The following ZNF585B variants were observed in gnomAD, a reference collection of about 807,000 sequenced individuals.
The protein encoded by ZNF585B is zinc finger protein 41-like protein.
In ZNF585B, 7 loss-of-function variants were observed where a neutral mutation model predicts 14.0. The observed-to-expected ratio is 0.50, with a 90% CI of 0.28 to 0.94. The LOEUF is 0.94. Among genes scored for constraint, ZNF585B ranks in the 40% least tolerant of loss-of-function variants. The pLI is 0.09. For missense variants in ZNF585B, 750 were observed against 924.4 expected (o/e 0.81, Z 2.45); for synonymous variants, 290 against 317.3 (o/e 0.91, Z 0.91).
rs1408071381 is a variant in ZNF585B, at chr19:37,186,937, A to G, written c.600T>C (p.Ser200=). Residue 200 remains serine (S), a synonymous_variant, in exon 5 of 5, where the codon TCT becomes TCC. Transcript: ENST00000532828. ...TATGAATTCTGTGATGCCTGAAAAG[A>G]GACGATACTTGAAAAAAGGATTTTC... is the stretch of plus-strand genomic sequence containing the variant. ...ECGKSFFQVS[S]LFRHHRIHTG... is the part of the protein sequence containing the mutation. The G allele has an allele frequency of 6.8e-6, 11 of 1,614,070 alleles. No homozygotes were observed. Among genetic ancestry groups the G allele is most frequent in the Non-Finnish European group, 9.3e-6 (11 of 1,180,040 alleles).
intron 4 of ZNF585B, chr19:37,189,428 T>C (rs1188409027): frequency 5.9e-6 from 3 of 511,822 alleles, no homozygotes; most frequent in Non-Finnish European, 1.1e-5. Flanking sequence ...AGGAATATAA[T>C]AAAGATTTAT....
At chr19:37,195,553 G>A (rs1972456756) in intron 2 of ZNF585B, among the ~76,000 whole-genome samples, 1 of 151,426 alleles carries the variant, frequency 6.6e-6, no homozygotes. Flanking sequence ...GACAGATTCA[G>A]GAACCATTAA....
At chr19:37,187,288 ATAGT>A in intron 4 of ZNF585B, 44 bp from the exon 5 acceptor site, 2 of 1,381,084 alleles carry the variant, frequency 1.4e-6, no homozygotes, top group Non-Finnish European at 2.0e-6. Flanking sequence ...ACATTTTACC[ATAGT>A]TAGTACTCTT....
Position 37,210,498 on chromosome 19 carries a change from G to A in ZNF585B, c.-201C>T, listed in dbSNP as rs1972635224. 1 of 152,200 alleles carries A rather than the reference G, an allele frequency of 6.6e-6. No individual in the cohort carries two copies. The allele number at this position is 152,200 out of a possible 1,614,324, so 9.4% of individuals were successfully genotyped here. A position where few individuals can be genotyped will look rare whatever the true frequency, so the allele number is the denominator to read the frequency against. On this transcript the variant is annotated 5_prime_UTR_variant, in exon 1 of 5. Coordinates refer to ENST00000532828, the MANE Select transcript of ZNF585B (RefSeq NM_152279.4). ...ACGTGAAAATAGTCCTGACGCCAGC[G>A]GCGAAATAGCCTTCGGGGACCACTT... is the stretch of plus-strand genomic sequence containing the variant.
At position 37,185,840 on chromosome 19, in the gene ZNF585B, A is replaced by C; in HGVS notation, c.1697T>G (p.Ile566Ser). 1.2e-6 allele frequency: 2 copies of C among 1,611,528 alleles called. No individual in the cohort carries two copies. Residue 566 changes from isoleucine (I) to serine (S), a missense_variant, in exon 5 of 5, where the codon ATT becomes AGT. Physicochemically the swap from Ile to Ser is moderately radical, Grantham distance 142. This residue lies in a region of ZNF585B where 233 missense variants were observed against 354.1 expected (regional missense o/e 0.66). Transcript: ENST00000532828. The part of the protein sequence containing the change: ...GKAFNQKSIL[I>S]VHQKIHTGEK... Reference sequence around the variant, plus strand: ...TCCTGTATGAATTTTCTGATGAACAATGAGTATTGATTTCTGGTTGAAGGC... The same window carrying C: ...TCCTGTATGAATTTTCTGATGAACACTGAGTATTGATTTCTGGTTGAAGGC...
intron 2 of ZNF585B, among the ~76,000 whole-genome samples, chr19:37,193,630 A>T (rs1972428800): frequency 6.6e-6 from 1 of 152,026 alleles, no homozygotes; most frequent in Non-Finnish European, 1.5e-5. Context: ...TACCAAAAAA[A>T]TTAGCCATGC....
At chr19:37,194,603 G>A (rs1972439356) in intron 2 of ZNF585B, among the ~76,000 whole-genome samples, 1 of 152,024 alleles carries the variant, frequency 6.6e-6, no homozygotes, top group Non-Finnish European at 1.5e-5. Context: ...ACAAGAGCAA[G>A]ACTCCATCTC....
intron 2 of ZNF585B, among the ~76,000 whole-genome samples, chr19:37,195,241 G>A (rs1225553159): frequency 1.3e-5 from 2 of 150,760 alleles, no homozygotes; most frequent in Admixed American, 1.3e-4. Context: ...AACTACTTGG[G>A]AGGCTGAGGC....
chr19:37,191,317 A>G (rs926105710), intron 2 of ZNF585B, among the ~76,000 whole-genome samples: 2 of 152,074 alleles, frequency 1.3e-5, no homozygotes, highest in Non-Finnish European at 2.9e-5. Flanking sequence ...CCTGTAATCC[A>G]AGCAAGAATG....
chr19:37,203,890 A>G (rs1446637535), intron 2 of ZNF585B, among the ~76,000 whole-genome samples: 1 of 152,016 alleles, frequency 6.6e-6, no homozygotes, highest in Non-Finnish European at 1.5e-5. Flanking sequence ...GGCCTCCCAA[A>G]GTGCTGGGAT....
At chr19:37,206,276 ACC>A (rs955925403) in intron 2 of ZNF585B, among the ~76,000 whole-genome samples, 1 of 151,640 alleles carries the variant, frequency 6.6e-6, no homozygotes, top group Non-Finnish European at 1.5e-5. Flanking sequence ...ACACGGAGAA[ACC>A]CCGTCTCTAC....
At position 37,186,922 on chromosome 19, in the gene ZNF585B, G is replaced by C. The variant is rs947983382; in HGVS notation, c.615C>G (p.His205Gln). 7.4e-6 allele frequency: 12 copies of C among 1,613,980 alleles called. No individual in the cohort carries two copies. Among genetic ancestry groups the C allele is most frequent in the Non-Finnish European group, 1.0e-5 (12 of 1,180,010 alleles). ...ATAGTTTTTCTCCGGTATGAATTCT[G>C]TGATGCCTGAAAAGAGACGATACTT... ...FFQVSSLFRH[H>Q]RIHTGEKLYE... Residue 205 changes from histidine to glutamine, a missense_variant, in exon 5 of 5, where the codon CAC becomes CAG. Physicochemically the swap from His to Gln is conservative, Grantham distance 24. Coordinates refer to ENST00000532828, the MANE Select transcript of ZNF585B (RefSeq NM_152279.4).
At chr19:37,199,488 G>A in intron 2 of ZNF585B, 1 of 453,104 alleles carries the variant, frequency 2.2e-6, no homozygotes, top group South Asian at 1.6e-5. Flanking sequence ...TTGCACCACA[G>A]CACTCCAGCC....
chr19:37,182,139 T>C lies in ZNF585B; in HGVS notation c.*3088A>G, dbSNP rs1325754125. 2 of 152,188 alleles carry C rather than the reference T, an allele frequency of 1.3e-5. No individual in the cohort carries two copies. The highest frequency in any genetic ancestry group is 4.8e-5 in the African/African-American group (2 of 41,444). The allele number at this position is 152,188 out of a possible 1,614,324, so 9.4% of individuals were successfully genotyped here. On this transcript the variant is annotated 3_prime_UTR_variant, in exon 5 of 5. Transcript: ENST00000532828. ...CTTCTGCCCCATTTTGCTGTGAACC[T>C]AAAATTTCTCTAAAAACTAGTCTTT...
chr19:37,189,861 GATATCTCTGAGTA>G, intron 3 of ZNF585B, 108 bp from the exon 4 acceptor site: 1 of 1,572,070 alleles, frequency 6.4e-7, no homozygotes, highest in Non-Finnish European at 8.7e-7. Context: ...AAAGTAACCA[GATATCTCTGAGTA>G]ATATTCTGAG....
chr19:37,188,426 C>T (rs1034857764), intron 4 of ZNF585B, among the ~76,000 whole-genome samples: 1 of 152,156 alleles, frequency 6.6e-6, no homozygotes, highest in African/African-American at 2.4e-5. Flanking sequence ...GCGGAGGTTG[C>T]AGTGAGCCGA....
intron 2 of ZNF585B, among the ~76,000 whole-genome samples, chr19:37,192,426 A>C (rs1257082069): frequency 6.6e-6 from 1 of 152,114 alleles, no homozygotes; most frequent in African/African-American, 2.4e-5. Context: ...GACAAGAACA[A>C]AAAGATGGGG....
intron 3 of ZNF585B, 64 bp downstream of exon 3, chr19:37,189,960 T>C (rs1972381076): frequency 5.6e-6 from 9 of 1,599,064 alleles, no homozygotes; most frequent in Non-Finnish European, 7.7e-6. Flanking sequence ...ACAGCATTCG[T>C]CAACTGAGAA....
rs1302022657 is a variant in ZNF585B, at chr19:37,185,420, T to C, written c.2117A>G (p.Gln706Arg). The change falls in exon 5 of 5, where the codon CAA (glutamine) becomes CGA (arginine). Residue 706 changes from glutamine (Q) to arginine (R), a missense_variant. This residue lies in a region of ZNF585B where 233 missense variants were observed against 354.1 expected (regional missense o/e 0.66). Coordinates refer to ENST00000532828, the MANE Select transcript of ZNF585B (RefSeq NM_152279.4). ...TCCAGTGTGAATTCGCTGATGCACT[T>C]GGAGCTGTGATTTTTTAGTGAAAGA... is the stretch of plus-strand genomic sequence containing the variant. The part of the protein sequence containing the change: ...GKSFTKKSQL[Q>R]VHQRIHTGEK... 28 of 1,612,326 alleles carry C rather than the reference T, an allele frequency of 1.7e-5. No individual in the cohort carries two copies. Among genetic ancestry groups the C allele is most frequent in the Non-Finnish European group, 2.4e-5 (28 of 1,179,454 alleles).
Sources: allele counts gnomAD v4.1 joint callset (sites outside exome capture counted in the v4.1 genomes callset), GRCh38; gene constraint gnomAD v4.1.1; regional missense constraint gnomAD v4.1.1; transcripts MANE v1.5; gene names NCBI Gene and HGNC (gene_info 2026-07-23, HGNC 2026-07-21).